The following PLCL1 variants were observed in gnomAD, a reference collection of about 807,000 sequenced individuals.
PLCL1 encodes the protein phospholipase C like 1 (inactive), also known as inactive phospholipase C-like protein 1.
PLCL1 carries 41 observed loss-of-function variants against 84.4 expected under a neutral mutation model. The ratio of observed to expected loss-of-function variants is 0.49; its 90% CI spans 0.38 to 0.63. PLCL1 has a LOEUF of 0.63. PLCL1 is among the 30% of genes least tolerant of loss of function. The probability of loss-of-function intolerance (pLI) is 0.00; values close to 1 mark genes in which losing one functional copy is unlikely to be tolerated. For synonymous variants in PLCL1, 490 were observed against 488.3 expected (o/e 1.00, Z -0.05); for missense variants, 1,206 against 1,367.8 (o/e 0.88, Z 1.87).
chr2:197,930,240 G>A (rs1453596249), intron 1 of PLCL1, among the ~76,000 whole-genome samples: 5 of 152,126 alleles, frequency 3.3e-5, no homozygotes, highest in East Asian at 1.9e-4. Flanking sequence ...TTAAATAGAC[G>A]TTTTTGAAAA....
At chr2:197,836,426 G>C (rs963071741) in intron 1 of PLCL1, among the ~76,000 whole-genome samples, 1 of 106,858 alleles carries the variant, frequency 9.4e-6, no homozygotes. Flanking sequence ...CAGCCTGGGC[G>C]ACAGAGCGAG....
At chr2:198,027,457 CGTATT>C (rs1559078816) in intron 1 of PLCL1, among the ~76,000 whole-genome samples, 1 of 152,012 alleles carries the variant, frequency 6.6e-6, no homozygotes, top group Admixed American at 6.6e-5. Context: ...TTAATAAAAA[CGTATT>C]GTATACTTGA....
chr2:198,022,641 A>G (rs547875197), intron 1 of PLCL1, among the ~76,000 whole-genome samples: 9 of 152,200 alleles, frequency 5.9e-5, no homozygotes, highest in Non-Finnish European at 1.3e-4. Flanking sequence ...GCAAACTCCC[A>G]TTCACAATTG....
At chr2:197,975,033 C>T (rs533014467) in intron 1 of PLCL1, among the ~76,000 whole-genome samples, 39 of 149,316 alleles carry the variant, frequency 2.6e-4, no homozygotes, top group Middle Eastern at 7.2e-3. Context: ...CCCAGCTACT[C>T]GGGAGGCTGA....
intron 1 of PLCL1, among the ~76,000 whole-genome samples, chr2:198,080,223 C>T (rs1440089): frequency 0.51 from 77,798 of 152,038 alleles, 20,622 homozygotes; most frequent in Middle Eastern, 0.65. Flanking sequence ...AATACATACA[C>T]AACATAAAAT....
rs1694534742 is a variant in PLCL1, at chr2:198,146,951, G to A, written c.3277G>A (p.Gly1093Arg). 1 of 1,599,372 alleles carries A rather than the reference G, an allele frequency of 6.3e-7. No homozygotes were observed. Among genetic ancestry groups the A allele is most frequent in the Admixed American group, 1.7e-5 (1 of 58,634 alleles). Residue 1093 changes from glycine (G) to arginine (R), a missense_variant, in exon 6 of 6, where the codon GGG (glycine) becomes AGG (arginine). Coordinates refer to ENST00000428675, the MANE Select transcript of PLCL1 (RefSeq NM_006226.4). ...GGAGAAGGAAAGTAGTGAGGAGAATGGGAAGCTGTGACTCTGGGCATTATC... is the reference window on the plus strand; with the variant it reads ...GGAGAAGGAAAGTAGTGAGGAGAATAGGAAGCTGTGACTCTGGGCATTATC... ...IEEKESSEEN[G>R]KL
intron 1 of PLCL1, among the ~76,000 whole-genome samples, chr2:197,955,545 C>T (rs1444550665): frequency 6.6e-6 from 1 of 151,338 alleles, no homozygotes; most frequent in Admixed American, 6.6e-5. Flanking sequence ...CTTACTCCCC[C>T]ATCCCCCATC....
intron 1 of PLCL1, among the ~76,000 whole-genome samples, chr2:197,886,352 CAGTG>C (rs1687921319): frequency 7.7e-6 from 1 of 130,562 alleles, no homozygotes; most frequent in African/African-American, 2.8e-5. Context: ...GTGGAGGTTG[CAGTG>C]AGCCGAGGTC....
At chr2:197,855,235 G>C (rs1687308407) in intron 1 of PLCL1, among the ~76,000 whole-genome samples, 1 of 152,142 alleles carries the variant, frequency 6.6e-6, no homozygotes. Context: ...CAGCTTACAT[G>C]CTTGCCCATT....
In PLCL1 at chr2:198,083,951, G is replaced by C; in HGVS notation, c.434G>C (p.Arg145Pro). ...CTGGACACAGACCTTCAAGCTCTTC[G>C]CTGGGAACCTTCAAAGAAAGACCTC... is the stretch of plus-strand genomic sequence containing the variant. ...FTLDTDLQALRWEPSKKDLEK... is the reference protein window; with the variant it reads ...FTLDTDLQALPWEPSKKDLEK... The change falls in exon 2 of 6, where the codon CGC (arginine) becomes CCC (proline). Residue 145 changes from arginine (R) to proline (P), a missense_variant. Transcript: ENST00000428675. The C allele has an allele frequency of 1.2e-6, 2 of 1,614,040 alleles. No homozygotes were observed. The highest frequency in any genetic ancestry group is 1.1e-5 in the South Asian group (1 of 91,076).
chr2:198,128,400 C>T (rs143571892), intron 5 of PLCL1, among the ~76,000 whole-genome samples: 2 of 152,130 alleles, frequency 1.3e-5, no homozygotes, highest in Admixed American at 1.3e-4. Context: ...ATCTGTCTCC[C>T]CAGGATCAGA....
At chr2:198,137,519 G>A (rs960862458) in intron 5 of PLCL1, among the ~76,000 whole-genome samples, 2 of 152,108 alleles carry the variant, frequency 1.3e-5, no homozygotes, top group African/African-American at 4.8e-5. Flanking sequence ...CCATAAAGGC[G>A]GTAACCTTCC....
Position 197,984,031 on chromosome 2 carries a change from A to G in PLCL1, c.241-99727A>G, listed in dbSNP as rs149003257. Among the ~76,000 whole-genome samples the G allele has an allele frequency of 2.1e-4, 32 of 152,280 alleles. 1 individual carries two copies. Among genetic ancestry groups the G allele is most frequent in the African/African-American group, 7.7e-4 (32 of 41,550 alleles). On this transcript the variant is annotated intron_variant, in intron 1 of 5. Coordinates refer to ENST00000428675, the MANE Select transcript of PLCL1 (RefSeq NM_006226.4). Reference sequence around the variant, plus strand: ...TAACTGAAATACAACTAGCAGTTGTATTTATATTAAGCTTCATCTAGTTTG... The same window carrying G: ...TAACTGAAATACAACTAGCAGTTGTGTTTATATTAAGCTTCATCTAGTTTG...
intron 5 of PLCL1, among the ~76,000 whole-genome samples, chr2:198,145,852 T>C (rs1313959948): frequency 6.6e-6 from 1 of 152,182 alleles, no homozygotes; most frequent in Non-Finnish European, 1.5e-5. Context: ...GCTCCAGCAA[T>C]CGTCATAACC....
chr2:197,912,711 G>A (rs1249452123), intron 1 of PLCL1, among the ~76,000 whole-genome samples: 2 of 136,968 alleles, frequency 1.5e-5, no homozygotes, highest in Non-Finnish European at 3.1e-5. Flanking sequence ...ACCAAACACC[G>A]CATATTCTCA....
chr2:198,003,722 A>C (rs1690660326), intron 1 of PLCL1, among the ~76,000 whole-genome samples: 1 of 152,228 alleles, frequency 6.6e-6, no homozygotes, highest in African/African-American at 2.4e-5. Flanking sequence ...TGGCCTACGC[A>C]GAAGAATATA....
intron 1 of PLCL1, among the ~76,000 whole-genome samples, chr2:197,835,652 T>C (rs1179510173): frequency 6.6e-6 from 1 of 152,226 alleles, no homozygotes; most frequent in Admixed American, 6.5e-5. Context: ...CCAAACTGTT[T>C]GATTTCTCTG....
chr2:198,106,572 A>G (rs1693479600), intron 5 of PLCL1, among the ~76,000 whole-genome samples: 1 of 151,904 alleles, frequency 6.6e-6, no homozygotes, highest in African/African-American at 2.4e-5. Context: ...TTATGTTCAG[A>G]AGATTTTATA....
At chr2:198,033,585 A>G (rs951886076) in intron 1 of PLCL1, among the ~76,000 whole-genome samples, 2 of 152,196 alleles carry the variant, frequency 1.3e-5, no homozygotes, top group African/African-American at 4.8e-5. Flanking sequence ...CTATCCAAGA[A>G]TTCAAAACAC....
Sources: gnomAD v4.1 joint callset for allele counts (sites outside exome capture counted in the v4.1 genomes callset) on GRCh38, gnomAD v4.1.1 for gene constraint, MANE v1.5 for transcripts, NCBI Gene and HGNC (gene_info 2026-07-23, HGNC 2026-07-21) for gene names.